The following TOGARAM2 variants were observed in gnomAD, a reference collection of about 807,000 sequenced individuals.
TOGARAM2 encodes the protein TOG array regulator of axonemal microtubules protein 2.
TOGARAM2 carries 85 observed loss-of-function variants against 93.3 expected under a neutral mutation model. The ratio of observed to expected loss-of-function variants is 0.91; its 90% CI spans 0.76 to 1.09. The LOEUF (loss-of-function observed/expected upper bound fraction) is 1.09, where lower values mean the gene tolerates loss of function less well. Among genes scored for constraint, TOGARAM2 ranks in the 50% least tolerant of loss-of-function variants. The pLI is 0.00. For synonymous variants in TOGARAM2, 593 were observed against 552.8 expected (o/e 1.07, Z -1.02); for missense variants, 1,277 against 1,334.5 (o/e 0.96, Z 0.67).
At chr2:29,024,622 C>G (rs1469447065) in intron 13 of TOGARAM2, among the ~76,000 whole-genome samples, 1 of 152,166 alleles carries the variant, frequency 6.6e-6, no homozygotes, top group East Asian at 1.9e-4. Context: ...AGGAAGACCC[C>G]TGCTTCCCTG....
At chr2:28,975,274 C>T (rs184440290) in intron 1 of TOGARAM2, among the ~76,000 whole-genome samples, 2,888 of 151,886 alleles carry the variant, frequency 0.019, 94 homozygotes, top group African/African-American at 0.067. Context: ...CTGCAAGCTC[C>T]ACCTCCCAGG....
chr2:29,040,387 A>G (rs1049263804), intron 18 of TOGARAM2, among the ~76,000 whole-genome samples: 1 of 152,220 alleles, frequency 6.6e-6, no homozygotes, highest in Non-Finnish European at 1.5e-5. Flanking sequence ...TCATAGTCCC[A>G]ACTCTTCAGA....
intron 12 of TOGARAM2, among the ~76,000 whole-genome samples, 156 bp from the exon 13 acceptor site, chr2:29,023,981 TCA>T (rs2148349892): frequency 6.6e-6 from 1 of 152,042 alleles, no homozygotes; most frequent in South Asian, 2.1e-4. Context: ...ACAGTTTTGC[TCA>T]GAGTGGCTGC....
intron 1 of TOGARAM2, among the ~76,000 whole-genome samples, chr2:28,963,774 G>A (rs183593007): frequency 1.3e-5 from 2 of 152,308 alleles, no homozygotes; most frequent in Admixed American, 1.3e-4. Context: ...TTGGGAGGCC[G>A]AGGTGAGCGG....
At chr2:28,966,033 T>G (rs1671861720) in intron 1 of TOGARAM2, among the ~76,000 whole-genome samples, 2 of 152,196 alleles carry the variant, frequency 1.3e-5, no homozygotes, top group Admixed American at 1.3e-4. Context: ...CTTATTTTTT[T>G]TTTTTTGAGA....
chr2:28,983,200 T>TATATATATATATATA (rs1558400424), intron 1 of TOGARAM2, among the ~76,000 whole-genome samples: 2 of 21,268 alleles, frequency 9.4e-5, no homozygotes, highest in African/African-American at 3.4e-4. Flanking sequence ...ATATATATAT[T>TATATATATATATATA]TTTTTTTTTT....
chr2:29,031,155 A>G (rs1052506647), intron 14 of TOGARAM2, among the ~76,000 whole-genome samples: 7 of 152,324 alleles, frequency 4.6e-5, no homozygotes, highest in Non-Finnish European at 8.8e-5. Flanking sequence ...TGATTAGGAC[A>G]TAGGTGTTTT....
chr2:29,018,082 C>T, intron 10 of TOGARAM2, 126 bp downstream of exon 10: 1 of 1,112,244 alleles, frequency 9.0e-7, no homozygotes, highest in Non-Finnish European at 1.2e-6. Flanking sequence ...GACCAGGAGG[C>T]AGCCTGGGGT....
chr2:29,005,038 ATG>A (rs1353252428), intron 6 of TOGARAM2, among the ~76,000 whole-genome samples: 5 of 13,742 alleles, frequency 3.6e-4, no homozygotes, highest in Admixed American at 2.4e-3. Flanking sequence ...ATGTGAGTGC[ATG>A]TGTGTGCATG....
At chr2:28,987,526 T>C (rs1672522551) in intron 1 of TOGARAM2, among the ~76,000 whole-genome samples, 1 of 152,222 alleles carries the variant, frequency 6.6e-6, no homozygotes, top group African/African-American at 2.4e-5. Flanking sequence ...CCTGACCTCG[T>C]GATCCGCCCA....
upstream of TOGARAM2, among the ~76,000 whole-genome samples, chr2:28,979,899 C>T (rs187838039): frequency 2.0e-5 from 3 of 152,302 alleles, no homozygotes; most frequent in Admixed American, 1.3e-4. Context: ...CACACACCAT[C>T]TCCCTGCCAG....
chr2:29,020,302 T>A (rs1028587392), intron 10 of TOGARAM2, among the ~76,000 whole-genome samples: 5 of 152,184 alleles, frequency 3.3e-5, no homozygotes, highest in Non-Finnish European at 7.3e-5. Flanking sequence ...AAGTTGTTTA[T>A]TGTAACTAGG....
intron 6 of TOGARAM2, among the ~76,000 whole-genome samples, chr2:29,010,072 C>T (rs1046400397): frequency 2.6e-5 from 4 of 151,106 alleles, no homozygotes; most frequent in Admixed American, 6.6e-5. Flanking sequence ...GGGCGCAGAG[C>T]GGGGGAGGCT....
Position 29,033,009 on chromosome 2 carries a change from A to T in TOGARAM2, c.2088A>T (p.Pro696=). The change falls in exon 15 of 20, where the codon CCA becomes CCT. Residue 696 remains proline (P), a synonymous_variant. Coordinates refer to ENST00000379558, the MANE Select transcript of TOGARAM2 (RefSeq NM_199280.4). ...KFDAFLKQSL[P]SYDLQKVMAA... ...ATGCATTTCTGAAGCAATCTCTCCC[A>T]TCTTACGACTTGCAGAAGGTCATGG... The T allele has an allele frequency of 6.2e-7, 1 of 1,613,926 alleles. No homozygotes were observed. The highest frequency in any genetic ancestry group is 1.3e-5 in the African/African-American group (1 of 75,036).
At chr2:29,038,438 G>A (rs551387179) in intron 18 of TOGARAM2, among the ~76,000 whole-genome samples, 1 of 152,282 alleles carries the variant, frequency 6.6e-6, no homozygotes, top group East Asian at 1.9e-4. Context: ...AAAAGGCTCA[G>A]GTGGAGCCCA....
At chr2:29,045,652 C>T in intron 19 of TOGARAM2, 1 of 511,154 alleles carries the variant, frequency 2.0e-6, no homozygotes, top group African/African-American at 1.9e-5. Context: ...AAAACTGTTA[C>T]AGGTTGAATC....
chr2:28,986,969 G>A lies in TOGARAM2; in HGVS notation c.-111+5431G>A, dbSNP rs145671143. Among the ~76,000 whole-genome samples, 141 of 152,278 alleles carry A rather than the reference G, an allele frequency of 9.3e-4. 1 individual carries two copies. Among genetic ancestry groups the A allele is most frequent in the African/African-American group, 3.2e-3 (133 of 41,534 alleles). On this transcript the variant is annotated intron_variant, in intron 1 of 19. Coordinates refer to ENST00000379558, the MANE Select transcript of TOGARAM2 (RefSeq NM_199280.4). ...TGTGCCTGAAGTCACACAGCTAGCA[G>A]GTGATGGAATTTAACCCTGTTGACT...
upstream of TOGARAM2, among the ~76,000 whole-genome samples, chr2:28,977,582 C>T (rs554095174): frequency 9.9e-5 from 15 of 152,276 alleles, no homozygotes; most frequent in Admixed American, 7.2e-4. Context: ...CTTCTTATGC[C>T]GCCAGCCACT....
At chr2:29,009,342 G>A (rs1664076567) in intron 6 of TOGARAM2, among the ~76,000 whole-genome samples, 1 of 152,230 alleles carries the variant, frequency 6.6e-6, no homozygotes, top group Non-Finnish European at 1.5e-5. Context: ...CCTCCTGTAA[G>A]GAGGTGCCAC....
Sources: gnomAD v4.1 joint callset for allele counts (sites outside exome capture counted in the v4.1 genomes callset) on GRCh38, gnomAD v4.1.1 for gene constraint, MANE v1.5 for transcripts, NCBI Gene and HGNC (gene_info 2026-07-23, HGNC 2026-07-21) for gene names.